UNC13C: variants seen among roughly 807,000 people sequenced by gnomAD.
The protein encoded by UNC13C is unc-13 homolog C, also known as protein unc-13 homolog C.
In UNC13C, 174 loss-of-function variants were observed where a neutral mutation model predicts 245.4. The ratio of observed to expected loss-of-function variants is 0.71; its 90% CI spans 0.63 to 0.80. The LOEUF is 0.80. Ranked by LOEUF, UNC13C falls within the 30% of genes least tolerant of loss-of-function variation. UNC13C has a pLI of 0.00. For missense variants in UNC13C, 2,829 were observed against 2,602.9 expected, an observed-to-expected ratio of 1.09 and a Z score of -1.89; for synonymous variants, 992 against 895.1, an observed-to-expected ratio of 1.11 and a Z score of -1.93.
intron 19 of UNC13C, among the ~76,000 whole-genome samples, chr15:54,415,832 G>A (rs1432281048): frequency 2.0e-5 from 3 of 152,174 alleles, no homozygotes. Flanking sequence ...AATGTGGAGT[G>A]GTGAGGACTT....
intron 19 of UNC13C, among the ~76,000 whole-genome samples, chr15:54,421,155 C>A (rs763332175): frequency 5.9e-5 from 9 of 151,704 alleles, no homozygotes; most frequent in Admixed American, 1.3e-4. Flanking sequence ...GTTATTTTGC[C>A]TGAAATTATA....
At chr15:54,521,984 C>G (rs529997917) in intron 24 of UNC13C, among the ~76,000 whole-genome samples, 1 of 152,158 alleles carries the variant, frequency 6.6e-6, no homozygotes, top group African/African-American at 2.4e-5. Context: ...TATAAGAGAG[C>G]ATTTAGAGAG....
At chr15:53,938,329 C>T in the UNC13C span, among the ~76,000 whole-genome samples, 1 of 152,162 alleles carries the variant, frequency 6.6e-6, no homozygotes, top group Admixed American at 6.5e-5. Flanking sequence ...AGCTAACTAT[C>T]CTAAGTATAT....
rs1191418870 is a variant in UNC13C at position 54,424,490 on chromosome 15, CAT to C, written c.4933+9424_4933+9425del. 5.3e-5 allele frequency among the ~76,000 whole-genome samples: 8 copies of C among 151,962 alleles called. No homozygotes were observed. In the East Asian group the frequency reaches 9.8e-4, roughly 19 times the overall value. ...TCTGTTGGGTTGACTGTCAATTACA[CAT>C]GTTTGTTTTAAGTGCGACCTGGCTG... On this transcript the variant is annotated intron_variant, in intron 19 of 32. Coordinates refer to ENST00000260323, the MANE Select transcript of UNC13C (RefSeq NM_001080534.3).
intron 18 of UNC13C, among the ~76,000 whole-genome samples, chr15:54,411,430 G>C (rs2040414409): frequency 1.3e-5 from 2 of 152,238 alleles, no homozygotes; most frequent in South Asian, 4.1e-4. Flanking sequence ...AGGTCATAAG[G>C]ATTTTCTACT....
chr15:54,253,849 G>C (rs1227345486), intron 8 of UNC13C, among the ~76,000 whole-genome samples: 1 of 152,086 alleles, frequency 6.6e-6, no homozygotes, highest in Non-Finnish European at 1.5e-5. Flanking sequence ...CAGCTACAGA[G>C]ATTGGAAAAA....
chr15:54,290,557 G>T (rs1011995837), intron 10 of UNC13C, among the ~76,000 whole-genome samples: 1 of 152,002 alleles, frequency 6.6e-6, no homozygotes, highest in African/African-American at 2.4e-5. Flanking sequence ...AATTTGGAAA[G>T]AAAGATAATA....
chr15:54,553,343 T>G (rs1408452837), intron 28 of UNC13C, among the ~76,000 whole-genome samples: 1 of 124,154 alleles, frequency 8.1e-6, no homozygotes, highest in Non-Finnish European at 1.6e-5. Context: ...TAATTGAATA[T>G]ATTGTAATAT....
intron 17 of UNC13C, among the ~76,000 whole-genome samples, chr15:54,359,876 T>C (rs1465173765): frequency 2.6e-5 from 4 of 151,926 alleles, no homozygotes; most frequent in African/African-American, 9.7e-5. Context: ...TCTTTTCTTC[T>C]ACCAATATTA....
chr15:53,988,480 C>A (rs1894243242), intron 1 of UNC13C, among the ~76,000 whole-genome samples: 1 of 151,742 alleles, frequency 6.6e-6, no homozygotes, highest in Non-Finnish European at 1.5e-5. Flanking sequence ...TGCTAGGTTG[C>A]ACAGAAGAAA....
At chr15:54,587,562 G>C (rs1314005172) in intron 30 of UNC13C, among the ~76,000 whole-genome samples, 5 of 152,182 alleles carry the variant, frequency 3.3e-5, no homozygotes, top group Admixed American at 3.3e-4. Context: ...TTTGGGACCA[G>C]CCTTCAGGAC....
At chr15:54,183,673 G>C (rs28475383) in intron 4 of UNC13C, among the ~76,000 whole-genome samples, 12,769 of 151,298 alleles carry the variant, frequency 0.084, 751 homozygotes, top group African/African-American at 0.16. Flanking sequence ...TATGAGTGAT[G>C]GACCATAGCC....
chr15:54,015,233 A>G lies in UNC13C; in HGVS notation c.2330A>G (p.Lys777Arg), dbSNP rs1238745420. 6.2e-7 allele frequency: 1 copy of G among 1,613,420 alleles called. No homozygotes were observed. ...GATGATTCAGAGGATGCCCCACCCA[A>G]ATCATGGCATAGTCGATTAAGCATT... The part of the protein sequence containing the change: ...QSDDSEDAPP[K>R]SWHSRLSIDL... The change falls in exon 2 of 33, where the codon AAA becomes AGA. Residue 777 changes from lysine to arginine, a missense_variant. Lys to Arg is a conservative substitution (Grantham distance 26). Transcript: ENST00000260323.
intron 19 of UNC13C, among the ~76,000 whole-genome samples, chr15:54,424,035 T>C (rs1191621969): frequency 6.6e-6 from 1 of 151,880 alleles, no homozygotes; most frequent in Non-Finnish European, 1.5e-5. Context: ...TAGGTGCTCA[T>C]TGCTGCCTTG....
At chr15:54,578,734 A>G (rs916715988) in intron 30 of UNC13C, among the ~76,000 whole-genome samples, 2 of 152,206 alleles carry the variant, frequency 1.3e-5, no homozygotes, top group Non-Finnish European at 2.9e-5. Context: ...CACGCCTGTA[A>G]TCCTAACACT....
At chr15:54,139,258 C>G (rs1426230978) in intron 2 of UNC13C, among the ~76,000 whole-genome samples, 2 of 70,542 alleles carry the variant, frequency 2.8e-5, no homozygotes, top group African/African-American at 8.9e-5. Context: ...GCATCCGGCC[C>G]AAATTTCCCC....
At chr15:54,530,005 T>C (rs543833862) in intron 25 of UNC13C, among the ~76,000 whole-genome samples, 1 of 152,150 alleles carries the variant, frequency 6.6e-6, no homozygotes. Flanking sequence ...CCATCAAAAC[T>C]GGTGTAGGGG....
intron 5 of UNC13C, among the ~76,000 whole-genome samples, chr15:54,235,994 T>A (rs1488102836): frequency 6.7e-6 from 1 of 150,204 alleles, no homozygotes; most frequent in Non-Finnish European, 1.5e-5. Context: ...ATGCAAAAAA[T>A]TGACCATGGC....
chr15:54,362,447 A>G (rs1441329575), intron 17 of UNC13C, among the ~76,000 whole-genome samples: 1 of 152,210 alleles, frequency 6.6e-6, no homozygotes, highest in Admixed American at 6.5e-5. Flanking sequence ...AGATTTCTTC[A>G]TTACTCCCCT....
Sources: allele counts gnomAD v4.1 joint callset (sites outside exome capture counted in the v4.1 genomes callset), GRCh38; gene constraint gnomAD v4.1.1; transcripts MANE v1.5; gene names NCBI Gene and HGNC (gene_info 2026-07-23, HGNC 2026-07-21).